The following GLI2 variants were observed in gnomAD, a reference collection of about 807,000 sequenced individuals.
GLI2 encodes the protein transcription activator GLI2.
In GLI2, 22 loss-of-function variants were observed where a neutral mutation model predicts 78.9. That is an observed-to-expected ratio of 0.28 (90% CI 0.20 to 0.40). The LOEUF is 0.40. GLI2 is among the 10% of genes least tolerant of loss of function. GLI2 has a pLI of 1.00. For synonymous variants in GLI2, 974 were observed against 963.7 expected (o/e 1.01, Z -0.20); for missense variants, 2,097 against 2,213.2 (o/e 0.95, Z 1.05).
intron 2 of GLI2, among the ~76,000 whole-genome samples, chr2:120,855,406 T>G (rs1382794028): frequency 6.6e-6 from 1 of 152,218 alleles, no homozygotes; most frequent in Non-Finnish European, 1.5e-5. Flanking sequence ...CCAAACAGTC[T>G]GCACAGTGCA....
At chr2:120,923,652 C>A (rs1679513777) in intron 2 of GLI2, among the ~76,000 whole-genome samples, 1 of 152,112 alleles carries the variant, frequency 6.6e-6, no homozygotes, top group Admixed American at 6.6e-5. Context: ...AACGCACATA[C>A]ACATACAACA....
chr2:120,791,919 G>A (rs1684170881), intron 1 of GLI2, among the ~76,000 whole-genome samples: 1 of 152,170 alleles, frequency 6.6e-6, no homozygotes, highest in Non-Finnish European at 1.5e-5. Context: ...CTGTGTGAGT[G>A]TGTGAGCCTG....
At chr2:120,832,321 T>G (rs1686404059) in intron 2 of GLI2, among the ~76,000 whole-genome samples, 1 of 152,046 alleles carries the variant, frequency 6.6e-6, no homozygotes, top group Admixed American at 6.5e-5. Context: ...AGACCCAGAA[T>G]TTTAGAGAGA....
At chr2:120,817,226 G>A (rs562347812) in intron 2 of GLI2, among the ~76,000 whole-genome samples, 1 of 152,274 alleles carries the variant, frequency 6.6e-6, no homozygotes, top group East Asian at 1.9e-4. Context: ...GCCCTCACCC[G>A]GAACCACACA....
intron 2 of GLI2, among the ~76,000 whole-genome samples, chr2:120,865,531 G>A (rs528011273): frequency 6.6e-6 from 1 of 152,290 alleles, no homozygotes; most frequent in East Asian, 1.9e-4. Flanking sequence ...GGCCTTTGCG[G>A]TGCCCTTGGA....
chr2:120,975,223 G>C (rs1197364989), intron 9 of GLI2, 114 bp downstream of exon 9: 1 of 989,288 alleles, frequency 1.0e-6, no homozygotes, highest in East Asian at 2.6e-5. Context: ...GAGACCCCCA[G>C]AGATGCCTGG....
At chr2:120,808,790 T>A in intron 2 of GLI2, among the ~76,000 whole-genome samples, 1 of 152,162 alleles carries the variant, frequency 6.6e-6, no homozygotes, top group East Asian at 1.9e-4. Context: ...AACTCTGTAG[T>A]GCAGGGTGGC....
chr2:120,907,831 C>G (rs997933197), intron 2 of GLI2, among the ~76,000 whole-genome samples: 4 of 152,190 alleles, frequency 2.6e-5, no homozygotes, highest in African/African-American at 7.2e-5. Context: ...TGCCTACAAC[C>G]GTGCCCGCAG....
chr2:120,950,352 A>G (rs987706091), intron 3 of GLI2, among the ~76,000 whole-genome samples: 4 of 152,260 alleles, frequency 2.6e-5, no homozygotes, highest in Admixed American at 2.6e-4. Flanking sequence ...CTGCTTCACC[A>G]TAAAGTCTGA....
At chr2:120,936,087 C>T (rs1680184096) in intron 3 of GLI2, among the ~76,000 whole-genome samples, 2 of 152,114 alleles carry the variant, frequency 1.3e-5, no homozygotes, top group African/African-American at 2.4e-5. Flanking sequence ...CACTGTCGGA[C>T]ATTTCCCCTC....
chr2:120,794,461 C>A (rs1405927790), intron 1 of GLI2, among the ~76,000 whole-genome samples: 3 of 152,124 alleles, frequency 2.0e-5, no homozygotes, highest in Admixed American at 6.5e-5. Context: ...TGGGAAGATG[C>A]CTGGCTGAAG....
intron 2 of GLI2, among the ~76,000 whole-genome samples, chr2:120,798,537 C>T (rs546385465): frequency 4.5e-4 from 69 of 152,232 alleles, no homozygotes; most frequent in African/African-American, 1.5e-3. Context: ...ATTTTTCCTG[C>T]GGTTCTAAGT....
chr2:120,842,870 A>G (rs1686951804), intron 2 of GLI2, among the ~76,000 whole-genome samples: 1 of 152,202 alleles, frequency 6.6e-6, no homozygotes, highest in Non-Finnish European at 1.5e-5. Flanking sequence ...TGTGAATTCA[A>G]ATAATAGTTT....
chr2:120,766,331 T>G (rs941926515), intron 1 of GLI2, among the ~76,000 whole-genome samples: 4 of 151,856 alleles, frequency 2.6e-5, no homozygotes, highest in Non-Finnish European at 5.9e-5. Context: ...CCCCATAATG[T>G]GCCCATCCAC....
intron 5 of GLI2, among the ~76,000 whole-genome samples, chr2:120,961,249 T>C (rs540010788): frequency 1.1e-3 from 164 of 152,350 alleles, no homozygotes; most frequent in African/African-American, 3.9e-3. Flanking sequence ...CTGTTCTTTA[T>C]GCTGCCTGTG....
intron 2 of GLI2, among the ~76,000 whole-genome samples, chr2:120,854,625 G>GT (rs1282352342): frequency 6.6e-6 from 1 of 152,206 alleles, no homozygotes; most frequent in Admixed American, 6.5e-5. Context: ...ATGTTCTGAG[G>GT]TTTTCTGCTT....
intron 2 of GLI2, among the ~76,000 whole-genome samples, chr2:120,862,449 C>T (rs1687944797): frequency 6.6e-6 from 1 of 152,198 alleles, no homozygotes; most frequent in Admixed American, 6.5e-5. Context: ...TGCCCTGCCA[C>T]TAAGGTATCC....
At chr2:120,793,145 A>C (rs992192626) in intron 1 of GLI2, among the ~76,000 whole-genome samples, 1 of 152,220 alleles carries the variant, frequency 6.6e-6, no homozygotes, top group East Asian at 1.9e-4. Context: ...CCCAGAGGGC[A>C]GGTGACCTGG....
intron 2 of GLI2, among the ~76,000 whole-genome samples, chr2:120,925,997 C>T (rs1210334581): frequency 7.5e-6 from 1 of 133,494 alleles, no homozygotes; most frequent in East Asian, 2.3e-4. Context: ...GGTGTGAACC[C>T]AGGAGGCGGA....
Sources: allele counts gnomAD v4.1 joint callset (sites outside exome capture counted in the v4.1 genomes callset), GRCh38; gene constraint gnomAD v4.1.1; transcripts MANE v1.5; gene names NCBI Gene and HGNC (gene_info 2026-07-23, HGNC 2026-07-21).